Variants in CLVS1 observed in about 807,000 individuals in gnomAD.
CLVS1 encodes clavesin-1.
Under a neutral mutation model 33.1 loss-of-function variants are expected in CLVS1, and 10 were observed. The observed-to-expected ratio is 0.30, with a 90% CI of 0.19 to 0.51. CLVS1 has a LOEUF of 0.51. Among genes scored for constraint, CLVS1 ranks in the 20% least tolerant of loss-of-function variants. The pLI, the probability that CLVS1 is intolerant of heterozygous loss-of-function variation, is 0.97. For missense variants in CLVS1, 343 were observed against 433.4 expected (o/e 0.79, Z 1.85); for synonymous variants, 163 against 166.1 (o/e 0.98, Z 0.14).
At chr8:61,409,393 C>T (rs1225418519) in intron 3 of CLVS1, among the ~76,000 whole-genome samples, 1 of 151,924 alleles carries the variant, frequency 6.6e-6, no homozygotes, top group African/African-American at 2.4e-5. Flanking sequence ...TACACTTTGC[C>T]TTATTATTTA....
intron 2 of CLVS1, among the ~76,000 whole-genome samples, chr8:61,254,281 G>T (rs2129591876): frequency 6.6e-6 from 1 of 152,306 alleles, no homozygotes; most frequent in East Asian, 1.9e-4. Flanking sequence ...TCCTCTGGAA[G>T]TTTTGTCTCA....
At chr8:61,032,790 G>A in the CLVS1 span, among the ~76,000 whole-genome samples, 1 of 151,868 alleles carries the variant, frequency 6.6e-6, no homozygotes, top group African/African-American at 2.4e-5. Flanking sequence ...CTATTCATAG[G>A]TAGAGTTGCA....
chr8:61,227,243 A>G (rs1343864209), intron 2 of CLVS1, among the ~76,000 whole-genome samples: 1 of 152,086 alleles, frequency 6.6e-6, no homozygotes, highest in African/African-American at 2.4e-5. Context: ...ATTAAGAATG[A>G]AGTCCTTTTG....
chr8:61,383,282 T>G (rs561677678), intron 3 of CLVS1, among the ~76,000 whole-genome samples: 31 of 152,346 alleles, frequency 2.0e-4, no homozygotes, highest in African/African-American at 7.2e-4. Context: ...CACCTGACAA[T>G]TGAGGGATGA....
chr8:61,256,128 C>A (rs1050592652), intron 2 of CLVS1, among the ~76,000 whole-genome samples: 3 of 152,302 alleles, frequency 2.0e-5, no homozygotes, highest in Admixed American at 1.3e-4. Context: ...ATTCCCCCAT[C>A]CTCCTAGCCC....
intron 1 of CLVS1, among the ~76,000 whole-genome samples, chr8:61,086,584 A>G (rs1342594216): frequency 6.6e-6 from 1 of 152,136 alleles, no homozygotes; most frequent in East Asian, 1.9e-4. Flanking sequence ...GCTAAAGAAG[A>G]TTATTCAGGA....
At chr8:61,035,688 C>T in the CLVS1 span, among the ~76,000 whole-genome samples, 1 of 152,136 alleles carries the variant, frequency 6.6e-6, no homozygotes, top group Non-Finnish European at 1.5e-5. Context: ...CACAGGAAGT[C>T]TTCTTCAGAC....
At chr8:60,968,825 G>T in the CLVS1 span, among the ~76,000 whole-genome samples, 1 of 151,946 alleles carries the variant, frequency 6.6e-6, no homozygotes, top group Admixed American at 6.6e-5. Flanking sequence ...GCAGGTTAAG[G>T]CTGCAGTGAG....
At chr8:61,336,480 C>G (rs1397189874) in intron 2 of CLVS1, among the ~76,000 whole-genome samples, 1 of 152,124 alleles carries the variant, frequency 6.6e-6, no homozygotes, top group East Asian at 1.9e-4. Flanking sequence ...AGGGTCCTCA[C>G]CACCAGAGAA....
chr8:61,285,421 C>T (rs1237679977), upstream of CLVS1, among the ~76,000 whole-genome samples: 1 of 152,132 alleles, frequency 6.6e-6, no homozygotes, highest in Non-Finnish European at 1.5e-5. Flanking sequence ...TGACATTGTG[C>T]TGATGTTTTG....
At chr8:61,065,789 G>C (rs1458518963) in intron 1 of CLVS1, among the ~76,000 whole-genome samples, 3 of 152,126 alleles carry the variant, frequency 2.0e-5, no homozygotes, top group Non-Finnish European at 2.9e-5. Context: ...TAGTTAGATT[G>C]GTATCTTTTG....
upstream of CLVS1, among the ~76,000 whole-genome samples, chr8:61,054,886 GCCTCATAGAGCCTTGGAATAT>G (rs1804450253): frequency 6.6e-6 from 1 of 152,100 alleles, no homozygotes; most frequent in Non-Finnish European, 1.5e-5. Context: ...ACCAATCAAG[GCCTCATAGAGCCTTGGAATAT>G]CTATGCACCA....
intron 2 of CLVS1, among the ~76,000 whole-genome samples, chr8:61,367,967 A>G (rs1365034721): frequency 6.6e-6 from 1 of 152,254 alleles, no homozygotes; most frequent in Non-Finnish European, 1.5e-5. Context: ...CAGTTTTAAA[A>G]GAAGACATCG....
intron 2 of CLVS1, among the ~76,000 whole-genome samples, chr8:61,225,620 G>A (rs1412661578): frequency 6.6e-6 from 1 of 152,142 alleles, no homozygotes; most frequent in Non-Finnish European, 1.5e-5. Flanking sequence ...TACAGGATAT[G>A]AACCATTAGT....
intron 1 of CLVS1, among the ~76,000 whole-genome samples, chr8:61,085,928 C>T (rs1585598899): frequency 1.3e-5 from 2 of 151,246 alleles, no homozygotes; most frequent in South Asian, 2.1e-4. Flanking sequence ...CCCAGCTGCT[C>T]GGGAGGCTGA....
chr8:61,298,496 A>T (rs2129594478), intron 1 of CLVS1, among the ~76,000 whole-genome samples: 1 of 152,270 alleles, frequency 6.6e-6, no homozygotes, highest in Middle Eastern at 3.4e-3. Context: ...ATGTGAGATG[A>T]TTGTCTCTCT....
At chr8:61,255,997 A>G (rs559786329) in intron 2 of CLVS1, among the ~76,000 whole-genome samples, 1 of 152,168 alleles carries the variant, frequency 6.6e-6, no homozygotes, top group Non-Finnish European at 1.5e-5. Flanking sequence ...AACCATTTTA[A>G]GTGTATATTT....
the CLVS1 span, among the ~76,000 whole-genome samples, chr8:61,027,636 C>T: frequency 6.6e-6 from 1 of 152,134 alleles, no homozygotes; most frequent in South Asian, 2.1e-4. Context: ...TGATTTACCA[C>T]TTCATGCTTC....
chr8:61,267,266 G>GTAT (rs139098766), intron 2 of CLVS1, among the ~76,000 whole-genome samples: 13,114 of 151,660 alleles, frequency 0.086, 846 homozygotes, highest in Non-Finnish European at 0.12. Context: ...TAATCAAAGG[G>GTAT]TATTATTATT....
Sources: allele counts gnomAD v4.1 joint callset (sites outside exome capture counted in the v4.1 genomes callset), GRCh38; gene constraint gnomAD v4.1.1; transcripts MANE v1.5; gene names NCBI Gene and HGNC (gene_info 2026-07-23, HGNC 2026-07-21).